The following WASF3 variants were observed in gnomAD, a reference collection of about 807,000 sequenced individuals.
WASF3 encodes the protein WASP family member 3, also known as actin-binding protein WASF3.
In WASF3, 11 loss-of-function variants were observed where a neutral mutation model predicts 46.6. The ratio of observed to expected loss-of-function variants is 0.24; its 90% confidence interval spans 0.15 to 0.39. The LOEUF is 0.39. Among genes scored for constraint, WASF3 ranks in the 10% least tolerant of loss-of-function variants. WASF3 has a pLI of 1.00. For synonymous variants in WASF3, 242 were observed against 259.7 expected (o/e 0.93, Z 0.65); for missense variants, 576 against 669.8 (o/e 0.86, Z 1.55).
At chr13:26,649,154 T>G (rs189852083) in intron 3 of WASF3, among the ~76,000 whole-genome samples, 42 of 152,374 alleles carry the variant, frequency 2.8e-4, no homozygotes, top group Admixed American at 6.5e-4. Flanking sequence ...ATTGTGATTA[T>G]CAGCAGCCTA....
rs192551376 is a variant in WASF3, at chr13:26,592,224, A to G, written c.-108-20737A>G. ...CCTGACAGCTGACTTTTTAAGAAGC[A>G]TGTGATTAATAGTAGTTTGAGTGAT... On this transcript the variant is annotated intron_variant, in intron 1 of 9. Transcript: ENST00000335327. Among the ~76,000 whole-genome samples, 144 of 152,328 alleles carry G rather than the reference A, an allele frequency of 9.5e-4. 1 individual carries two copies. The highest frequency in any genetic ancestry group is 3.4e-3 in the African/African-American group (140 of 41,574).
chr13:26,570,717 C>T (rs1246966070), intron 1 of WASF3, among the ~76,000 whole-genome samples: 1 of 152,192 alleles, frequency 6.6e-6, no homozygotes, highest in Non-Finnish European at 1.5e-5. Context: ...ATTTAGGTAG[C>T]TTCCAATATT....
chr13:26,607,604 G>A (rs1390586455), intron 1 of WASF3, among the ~76,000 whole-genome samples: 1 of 151,932 alleles, frequency 6.6e-6, no homozygotes, highest in Non-Finnish European at 1.5e-5. Flanking sequence ...GTTTTTAATA[G>A]AAAACTGGCT....
intron 3 of WASF3, among the ~76,000 whole-genome samples, chr13:26,646,379 T>G (rs1296988389): frequency 6.6e-6 from 1 of 152,252 alleles, no homozygotes; most frequent in East Asian, 1.9e-4. Flanking sequence ...ATTAAAAGTC[T>G]TCTTTTACAG....
At chr13:26,664,891 G>A in intron 3 of WASF3, 137 bp from the exon 4 acceptor site, 1 of 815,232 alleles carries the variant, frequency 1.2e-6, no homozygotes, top group Non-Finnish European at 1.9e-6. Flanking sequence ...TAAAGGCCTT[G>A]GACTGTGACA....
intron 1 of WASF3, among the ~76,000 whole-genome samples, chr13:26,559,492 G>T (rs1879210197): frequency 6.6e-6 from 1 of 152,214 alleles, no homozygotes; most frequent in Non-Finnish European, 1.5e-5. Context: ...AACACACTTT[G>T]CTAAGTGGTC....
intron 1 of WASF3, among the ~76,000 whole-genome samples, chr13:26,564,900 G>GTTTTTTTTTTT (rs66809412): frequency 4.5e-4 from 37 of 81,630 alleles, no homozygotes; most frequent in Non-Finnish European, 5.3e-4. Flanking sequence ...CAAGGTTGTG[G>GTTTTTTTTTTT]TTTTTTTTTT....
chr13:26,675,650 C>CTGTGTGTGTGTGTGTGTGTGTGTGTG (rs35156420), intron 6 of WASF3, among the ~76,000 whole-genome samples: 2,651 of 146,932 alleles, frequency 0.018, 49 homozygotes, highest in African/African-American at 0.038. Context: ...GATGCCATGT[C>CTGTGTGTGTGTGTGTGTGTGTGTGTG]TGTGTGTGTG....
At chr13:26,590,735 C>T (rs1206994801) in intron 1 of WASF3, among the ~76,000 whole-genome samples, 2 of 152,176 alleles carry the variant, frequency 1.3e-5, no homozygotes, top group Admixed American at 1.3e-4. Context: ...TGAGTTATTG[C>T]ACACCTACTG....
At chr13:26,671,231 T>C (rs1006759483) in intron 5 of WASF3, among the ~76,000 whole-genome samples, 2 of 152,224 alleles carry the variant, frequency 1.3e-5, no homozygotes, top group African/African-American at 4.8e-5. Flanking sequence ...ACTTAAAATA[T>C]TCTTTAGACC....
At chr13:26,543,901 A>G in the WASF3 span, among the ~76,000 whole-genome samples, 1 of 152,202 alleles carries the variant, frequency 6.6e-6, no homozygotes, top group Non-Finnish European at 1.5e-5. Flanking sequence ...TTAAACCTAC[A>G]AGAACCGATT....
intron 1 of WASF3, among the ~76,000 whole-genome samples, chr13:26,596,402 G>A (rs1880464056): frequency 6.7e-6 from 1 of 150,016 alleles, no homozygotes; most frequent in Non-Finnish European, 1.5e-5. Context: ...AAAGAATCTT[G>A]TATGACAGTC....
intron 1 of WASF3, among the ~76,000 whole-genome samples, chr13:26,611,781 T>A (rs1880987799): frequency 6.6e-6 from 1 of 152,180 alleles, no homozygotes; most frequent in South Asian, 2.1e-4. Context: ...GCTGCTTTAG[T>A]TTTAAATAAG....
At chr13:26,610,201 A>G (rs978418471) in intron 1 of WASF3, among the ~76,000 whole-genome samples, 3 of 152,172 alleles carry the variant, frequency 2.0e-5, no homozygotes, top group Admixed American at 1.3e-4. Flanking sequence ...TTCCCTTTAA[A>G]GAATCCTCCC....
chr13:26,543,965 C>T, the WASF3 span, among the ~76,000 whole-genome samples: 1 of 152,112 alleles, frequency 6.6e-6, no homozygotes, highest in African/African-American at 2.4e-5. Flanking sequence ...TAAAAAAATC[C>T]TTAAAAAATA....
At chr13:26,592,116 C>T (rs188319416) in intron 1 of WASF3, among the ~76,000 whole-genome samples, 18 of 148,670 alleles carry the variant, frequency 1.2e-4, no homozygotes, top group African/African-American at 4.5e-4. Context: ...CTTTGCTGAA[C>T]TGCAGTTTTA....
In WASF3 at chr13:26,686,418, C is replaced by T. The variant is rs1042576038; in HGVS notation, c.*573C>T. ...GCCTCTGAGTGAATCTGATGCTCTG[C>T]TGAATAATTTCATTACCTCTGCACA... is the stretch of plus-strand genomic sequence containing the variant. On this transcript the variant is annotated 3_prime_UTR_variant, in exon 10 of 10. Transcript: ENST00000335327. The T allele has an allele frequency of 2.0e-5, 3 of 152,390 alleles. No individual in the cohort carries two copies. Among genetic ancestry groups the T allele is most frequent in the African/African-American group, 7.2e-5 (3 of 41,448 alleles). The allele number at this position is 152,390 out of a possible 1,614,324, so 9.4% of individuals were successfully genotyped here. A position where few individuals can be genotyped will look rare whatever the true frequency, so the allele number is the denominator to read the frequency against.
At chr13:26,577,044 A>G (rs1412263978) in intron 1 of WASF3, 13 of 729,426 alleles carry the variant, frequency 1.8e-5, no homozygotes, top group African/African-American at 3.5e-5. Context: ...CCAGGACCCA[A>G]GGAAACAAAA....
At chr13:26,594,658 T>G (rs1251807672) in intron 1 of WASF3, among the ~76,000 whole-genome samples, 1 of 152,216 alleles carries the variant, frequency 6.6e-6, no homozygotes, top group African/African-American at 2.4e-5. Flanking sequence ...ATTCCTTTCC[T>G]AAGTAAATTA....
Sources: allele counts gnomAD v4.1 joint callset (sites outside exome capture counted in the v4.1 genomes callset), GRCh38; gene constraint gnomAD v4.1.1; transcripts MANE v1.5; gene names NCBI Gene and HGNC (gene_info 2026-07-23, HGNC 2026-07-21).